CPXM2: variants seen among roughly 807,000 people sequenced by gnomAD.
CPXM2 encodes the protein inactive carboxypeptidase-like protein X2.
Under a neutral mutation model 86.1 loss-of-function variants are expected in CPXM2, and 66 were observed. The observed-to-expected ratio is 0.77, with a 90% CI of 0.63 to 0.94. The LOEUF (loss-of-function observed/expected upper bound fraction) is 0.94, where lower values mean the gene tolerates loss of function less well. CPXM2 is among the 40% of genes least tolerant of loss of function. The pLI is 0.00. For missense variants in CPXM2, 948 were observed against 1,026.3 expected (o/e 0.92, Z 1.04); for synonymous variants, 388 against 400.2 (o/e 0.97, Z 0.36).
chr10:123,799,040 T>A (rs1564774995), intron 5 of CPXM2, 75 bp downstream of exon 5: 1 of 1,514,850 alleles, frequency 6.6e-7, no homozygotes, highest in East Asian at 2.3e-5. Context: ...AAAGAGTTGA[T>A]CATACATTGC....
At chr10:123,882,368 T>C (rs1564811524) in intron 1 of CPXM2, among the ~76,000 whole-genome samples, 2 of 152,344 alleles carry the variant, frequency 1.3e-5, no homozygotes, top group East Asian at 3.9e-4. Context: ...GCCTGTGTCC[T>C]GCTTCTGTGG....
intron 10 of CPXM2, among the ~76,000 whole-genome samples, chr10:123,762,664 C>G (rs1199577848): frequency 7.2e-5 from 11 of 152,096 alleles, no homozygotes; most frequent in Admixed American, 7.2e-4. Context: ...CATGGCGATC[C>G]TGGGCAGCTT....
At chr10:123,883,174 A>G (rs1590099063) in intron 1 of CPXM2, among the ~76,000 whole-genome samples, 1 of 152,208 alleles carries the variant, frequency 6.6e-6, no homozygotes, top group African/African-American at 2.4e-5. Flanking sequence ...CGAAGGTCCT[A>G]CTACACTGAC....
At chr10:123,751,846 T>C in intron 13 of CPXM2, 1 of 985,106 alleles carries the variant, frequency 1.0e-6, no homozygotes, top group East Asian at 1.1e-4. Flanking sequence ...GAGAATACAC[T>C]GGGAAATTAT....
chr10:123,846,699 A>C (rs1390427818), intron 3 of CPXM2, among the ~76,000 whole-genome samples: 1 of 152,208 alleles, frequency 6.6e-6, no homozygotes, highest in Non-Finnish European at 1.5e-5. Flanking sequence ...AATGATGGTG[A>C]AGAAGACCCA....
At chr10:123,923,455 C>G (rs551298919) in intron 2 of CPXM2, among the ~76,000 whole-genome samples, 2,360 of 150,812 alleles carry the variant, frequency 0.016, 72 homozygotes, top group African/African-American at 0.055. Context: ...GTGGCGGGCG[C>G]CTGTAGTCCC....
chr10:123,815,194 T>C (rs918731319), intron 4 of CPXM2, among the ~76,000 whole-genome samples: 1 of 152,058 alleles, frequency 6.6e-6, no homozygotes, highest in Non-Finnish European at 1.5e-5. Flanking sequence ...GGCAAAGTGA[T>C]GAAAGAAAAT....
chr10:123,751,345 A>C (rs963178566), intron 13 of CPXM2: 7 of 223,398 alleles, frequency 3.1e-5, no homozygotes, highest in African/African-American at 1.6e-4. Flanking sequence ...ATCTGGAGAC[A>C]TAAGTAAACA....
At chr10:123,859,147 G>A (rs1848802116) in intron 3 of CPXM2, among the ~76,000 whole-genome samples, 1 of 152,246 alleles carries the variant, frequency 6.6e-6, no homozygotes, top group Non-Finnish European at 1.5e-5. Flanking sequence ...CTCACAGCCT[G>A]CACTAGGGTA....
rs138365720 is a variant in CPXM2, at chr10:123,768,392, T to A, written c.1299+134A>T. 1.1e-3 allele frequency: 189 copies of A among 165,974 alleles called. 1 individual carries two copies. The highest frequency in any genetic ancestry group is 1.6e-3 in the Non-Finnish European group (166 of 100,842). The allele number at this position is 165,974 out of a possible 1,614,324, so 10.3% of individuals were successfully genotyped here. ...CCGACTCAAAAAATAAATAAATAAATAAATAAATAAATAAATAAATAAATA... is the reference window on the plus strand; with the variant it reads ...CCGACTCAAAAAATAAATAAATAAAAAAATAAATAAATAAATAAATAAATA... On this transcript the variant is annotated intron_variant, in intron 9 of 13. Transcript: ENST00000241305.
rs1430016823 is a variant in CPXM2 at position 123,867,586 on chromosome 10, T to C, written c.404-4863A>G. On this transcript the variant is annotated intron_variant, in intron 2 of 13. Coordinates refer to ENST00000241305, the MANE Select transcript of CPXM2 (RefSeq NM_198148.3). ...TTCACTCTTGTCACCCAGGCTGCAG[T>C]GCAATGGTGCGATTTTGCTCACCGC... 2.7e-5 allele frequency among the ~76,000 whole-genome samples: 4 copies of C among 147,284 alleles called. No homozygotes were observed. In the East Asian group the frequency reaches 8.2e-4, roughly 30 times the overall value.
chr10:123,909,745 G>T (rs757818083), intron 2 of CPXM2, among the ~76,000 whole-genome samples: 4 of 152,196 alleles, frequency 2.6e-5, no homozygotes, highest in Admixed American at 2.6e-4. Flanking sequence ...ATGAAGGCAG[G>T]ATAACTATAA....
At chr10:123,934,423 G>A (rs1452246448) in intron 2 of CPXM2, among the ~76,000 whole-genome samples, 3 of 151,382 alleles carry the variant, frequency 2.0e-5, no homozygotes. Context: ...GCCAATCCCT[G>A]CCTCTGTTTT....
chr10:123,796,275 C>T (rs56197912), intron 6 of CPXM2, among the ~76,000 whole-genome samples: 17,134 of 152,170 alleles, frequency 0.11, 1,344 homozygotes, highest in African/African-American at 0.23. Flanking sequence ...TAATTGTGGA[C>T]ACACACAAAA....
At chr10:123,859,447 C>T (rs992471408) in intron 3 of CPXM2, among the ~76,000 whole-genome samples, 1 of 152,240 alleles carries the variant, frequency 6.6e-6, no homozygotes, top group Non-Finnish European at 1.5e-5. Context: ...GCCCTGCTGA[C>T]ACCTCGATTT....
chr10:123,910,539 C>G (rs1219642564), intron 2 of CPXM2, among the ~76,000 whole-genome samples: 1 of 152,188 alleles, frequency 6.6e-6, no homozygotes, highest in East Asian at 1.9e-4. Context: ...CAAGGGCTAC[C>G]TCAGCACCTC....
At chr10:123,878,515 G>A (rs201858564) in intron 2 of CPXM2, among the ~76,000 whole-genome samples, 3,208 of 144,360 alleles carry the variant, frequency 0.022, 85 homozygotes, top group East Asian at 0.1. Flanking sequence ...ACGTGTGTGT[G>A]TGTGTGTGTG....
At chr10:123,890,398 T>C (rs1945247888) in intron 1 of CPXM2, among the ~76,000 whole-genome samples, 1 of 152,210 alleles carries the variant, frequency 6.6e-6, no homozygotes, top group Non-Finnish European at 1.5e-5. Flanking sequence ...ACTTTCCCAC[T>C]GCCCTGGCTG....
chr10:123,857,614 AGATGGAAGG>A (rs1848758349), intron 3 of CPXM2, among the ~76,000 whole-genome samples: 2 of 141,126 alleles, frequency 1.4e-5, no homozygotes, highest in South Asian at 5.2e-4. Flanking sequence ...GGCGGCGTGG[AGATGGAAGG>A]CGGCGTGGAG....
Sources: allele counts gnomAD v4.1 joint callset (sites outside exome capture counted in the v4.1 genomes callset), GRCh38; gene constraint gnomAD v4.1.1; transcripts MANE v1.5; gene names NCBI Gene and HGNC (gene_info 2026-07-23, HGNC 2026-07-21).